SBK2: variants seen among roughly 807,000 people sequenced by gnomAD.
SBK2 encodes SH3 domain binding kinase family member 2, also known as serine/threonine-protein kinase SBK2.
SBK2 carries 18 observed loss-of-function variants against 15.9 expected under a neutral mutation model. The ratio of observed to expected loss-of-function variants is 1.13; its 90% CI spans 0.78 to 1.68. The LOEUF (loss-of-function observed/expected upper bound fraction) is 1.68, where lower values mean the gene tolerates loss of function less well. SBK2 is among the 40% of genes most tolerant of loss of function. The pLI is 0.00. For missense variants in SBK2, 581 were observed against 510.9 expected, an observed-to-expected ratio of 1.14 and a Z score of -1.32; for synonymous variants, 284 against 246.8, an observed-to-expected ratio of 1.15 and a Z score of -1.41.
chr19:55,536,118 G>C lies in SBK2; in HGVS notation c.177C>G (p.Asp59Glu). ...SAQTLVRAEVDELYEEVRPLG... is the reference protein window; with the variant it reads ...SAQTLVRAEVEELYEEVRPLG... ...GGGGACGCACTTCCTCGTAGAGCTC[G>C]TCCACCTCGGCTCGGACCAGGGTCT... The change falls in exon 2 of 4, where the codon GAC becomes GAG. Residue 59 changes from aspartate (D) to glutamate (E), a missense_variant. Asp to Glu is a conservative substitution (Grantham distance 45, BLOSUM62 2). Transcript: ENST00000413299. 6.4e-7 allele frequency: 1 copy of C among 1,554,772 alleles called. No homozygotes were observed. Among genetic ancestry groups the C allele is most frequent in the Middle Eastern group, 1.7e-4 (1 of 5,838 alleles).
At chr19:55,535,753 G>A (rs990864049) in intron 2 of SBK2, among the ~76,000 whole-genome samples, 5 of 152,110 alleles carry the variant, frequency 3.3e-5, no homozygotes, top group Non-Finnish European at 7.4e-5. Context: ...GTGTGGTAGT[G>A]CATGCCTATA....
In SBK2 at chr19:55,529,612, G is replaced by A; in HGVS notation, c.*121C>T. The A allele has an allele frequency of 7.4e-7, 1 of 1,349,104 alleles. No homozygotes were observed. The highest frequency in any genetic ancestry group is 1.5e-5 in the South Asian group (1 of 67,762). 83.6% of individuals were successfully genotyped at this position (1,349,104 alleles called of 1,614,324 possible). A position where few individuals can be genotyped will look rare whatever the true frequency, so the allele number is the denominator to read the frequency against. On this transcript the variant is annotated 3_prime_UTR_variant, in exon 4 of 4. Transcript: ENST00000413299. Reference sequence around the variant, plus strand: ...GCAGCCTGCAGAGAGGAGAGAGGAGGAGGACGCCGAGGGGAATCCCAAGCC... The same window carrying A: ...GCAGCCTGCAGAGAGGAGAGAGGAGAAGGACGCCGAGGGGAATCCCAAGCC...
rs1398263592 is a variant in SBK2 at position 55,535,479 on chromosome 19, C to T, written c.253+563G>A. 3.3e-5 allele frequency among the ~76,000 whole-genome samples: 5 copies of T among 152,208 alleles called. No homozygotes were observed. In the East Asian group the frequency reaches 9.6e-4, roughly 29 times the overall value. On this transcript the variant is annotated intron_variant, in intron 2 of 3. Coordinates refer to ENST00000413299, the MANE Select transcript of SBK2 (RefSeq NM_001370096.2). ...CCCAGCAACTAGAGCAGTCCACATT[C>T]ACTCAGAGGATCCACCATTCTTCCA...
At position 55,530,165 on chromosome 19, in the gene SBK2, G is replaced by T; in HGVS notation, c.615C>A (p.Gly205=). Residue 205 remains glycine, a synonymous_variant, in exon 4 of 4, where the codon GGC becomes GGA. Transcript: ENST00000413299. ...GCAGCGTCCCGCGAGGCCTCGTGTGGCCGAAGTCGGTCAGCTTGAAGCGCC... is the reference window on the plus strand; with the variant it reads ...GCAGCGTCCCGCGAGGCCTCGTGTGTCCGAAGTCGGTCAGCTTGAAGCGCC... ...ACRRFKLTDF[G]HTRPRGTLLR... is the part of the protein sequence containing the mutation. 1 of 1,523,952 alleles carries T rather than the reference G, an allele frequency of 6.6e-7. No homozygotes were observed. 94.4% of individuals were successfully genotyped at this position (1,523,952 alleles called of 1,614,324 possible). A position where few individuals can be genotyped will look rare whatever the true frequency, so the allele number is the denominator to read the frequency against.
rs771254582 is a variant in SBK2 at position 55,536,097 on chromosome 19, A to T, written c.198T>A (p.Arg66=). 3 of 1,528,176 alleles carry T rather than the reference A, an allele frequency of 2.0e-6. No individual in the cohort carries two copies. The highest frequency in any genetic ancestry group is 8.8e-7 in the Non-Finnish European group (1 of 1,131,822). 94.7% of individuals were successfully genotyped at this position (1,528,176 alleles called of 1,614,324 possible). Residue 66 remains arginine, a synonymous_variant, in exon 2 of 4, where the codon CGT becomes CGA. Transcript: ENST00000413299. ...GGCCATAGCAACCCTGGCCCAGGGG[A>T]CGCACTTCCTCGTAGAGCTCGTCCA... ...AEVDELYEEV[R]PLGQGCYGRV... is the part of the protein sequence containing the mutation.
rs948152989 is a variant in SBK2, at chr19:55,536,511, G to A, written c.-2-215C>T. Among the ~76,000 whole-genome samples, 13 of 151,324 alleles carry A rather than the reference G, an allele frequency of 8.6e-5. No homozygotes were observed. The East Asian group carries it at 1.4e-3, about 16-fold the overall frequency. The stretch of plus-strand genomic sequence containing the variant: ...ATGTCCCTGCCCGCGTGCCGCCGCC[G>A]CCACCCGCCCACCCTGAGGTTGAAA... On this transcript the variant is annotated intron_variant, in intron 1 of 3. Coordinates refer to ENST00000413299, the MANE Select transcript of SBK2 (RefSeq NM_001370096.2).
intron 2 of SBK2, 27 bp from the exon 3 acceptor site, chr19:55,531,372 G>A (rs767759229): frequency 1.6e-5 from 25 of 1,565,274 alleles, no homozygotes; most frequent in South Asian, 5.8e-5. Context: ...AGGTATGGGA[G>A]GCGTGCAGCA....
At chr19:55,531,429 C>T in intron 2 of SBK2, 84 bp from the exon 3 acceptor site, 1 of 1,045,592 alleles carries the variant, frequency 9.6e-7, no homozygotes, top group Admixed American at 2.0e-5. Flanking sequence ...GTGGTCCCCT[C>T]AATGGCCCCT....
Position 55,529,189 on chromosome 19 carries a change from G to A in SBK2, c.*544C>T, listed in dbSNP as rs1202434828. Among the ~76,000 whole-genome samples the A allele has an allele frequency of 6.7e-6, 1 of 148,446 alleles. No individual in the cohort carries two copies. Among genetic ancestry groups the A allele is most frequent in the Non-Finnish European group, 1.5e-5 (1 of 67,346 alleles). ...GCAGGAGGATTGTTTGAGGCCAGGA[G>A]TTGACACCCACCTGGGCAACATAGC... On this transcript the variant is annotated 3_prime_UTR_variant, in exon 4 of 4. Transcript: ENST00000413299.
rs572149473 is a variant in SBK2 at position 55,529,677 on chromosome 19, TGGCCTTGGG to T, written c.*47_*55del. 42 of 1,566,256 alleles carry T rather than the reference TGGCCTTGGG, an allele frequency of 2.7e-5. No individual in the cohort carries two copies. The highest frequency in any genetic ancestry group is 1.7e-4 in the Middle Eastern group (1 of 5,894). ...ACACCGAGGAGACACCAAAAGCCGTTGGCCTTGGGGGCCTCGGGTGGGGCGGCTTCCCTT... is the reference window on the plus strand; with the variant it reads ...ACACCGAGGAGACACCAAAAGCCGTTGGCCTCGGGTGGGGCGGCTTCCCTT... On this transcript the variant is annotated 3_prime_UTR_variant, in exon 4 of 4. Transcript: ENST00000413299.
At position 55,529,957 on chromosome 19, in the gene SBK2, C is replaced by G; in HGVS notation, c.823G>C (p.Glu275Gln). ...RPLAEADPFY[E>Q]DFLIWQASGQ... ...GACGCCTGCCAGATGAGGAAGTCCT[C>G]GTAGAAGGGGTCGGCCTCGGCCAGG... Residue 275 changes from glutamate (E) to glutamine (Q), a missense_variant, in exon 4 of 4, where the codon GAG becomes CAG. Physicochemically the swap from Glu to Gln is conservative, Grantham distance 29. Transcript: ENST00000413299. 6.5e-7 allele frequency: 1 copy of G among 1,533,378 alleles called. No individual in the cohort carries two copies. The highest frequency in any genetic ancestry group is 8.8e-7 in the Non-Finnish European group (1 of 1,142,574). The allele number at this position is 1,533,378 out of a possible 1,614,324, so 95.0% of individuals were successfully genotyped here. A position where few individuals can be genotyped will look rare whatever the true frequency, so the allele number is the denominator to read the frequency against.
chr19:55,535,221 G>A (rs538989587), intron 2 of SBK2, among the ~76,000 whole-genome samples: 170 of 151,196 alleles, frequency 1.1e-3, no homozygotes, highest in African/African-American at 4.0e-3. Flanking sequence ...CTCAGAAGGC[G>A]TGCCCTGAAC....
chr19:55,529,876 C>G lies in SBK2; in HGVS notation c.904G>C (p.Ala302Pro). 2 of 1,593,264 alleles carry G rather than the reference C, an allele frequency of 1.3e-6. No individual in the cohort carries two copies. Among genetic ancestry groups the G allele is most frequent in the Non-Finnish European group, 1.7e-6 (2 of 1,173,078 alleles). Residue 302 changes from alanine to proline, a missense_variant, in exon 4 of 4, where the codon GCG (alanine) becomes CCG (proline). Physicochemically the swap from Ala to Pro is conservative, Grantham distance 27 (BLOSUM62 -1). Transcript: ENST00000413299. ...PWFGLAAAADALLRGLLDPHP... is the reference protein window; with the variant it reads ...PWFGLAAAADPLLRGLLDPHP... ...GGGTCCAGCAGCCCCCGCAGAAGCGCGTCGGCCGCGGCGGCCAGGCCGAAC... is the reference window on the plus strand; with the variant it reads ...GGGTCCAGCAGCCCCCGCAGAAGCGGGTCGGCCGCGGCGGCCAGGCCGAAC...
intron 1 of SBK2, among the ~76,000 whole-genome samples, chr19:55,536,788 G>GC (rs925103270): frequency 1.5e-5 from 1 of 68,828 alleles, no homozygotes; most frequent in Non-Finnish European, 2.9e-5. Flanking sequence ...CTCCGACCCA[G>GC]CCCCCCAGCC....
chr19:55,531,409 C>T, intron 2 of SBK2, 64 bp from the exon 3 acceptor site: 1 of 1,306,878 alleles, frequency 7.7e-7, no homozygotes, highest in Non-Finnish European at 1.1e-6. Flanking sequence ...GCCAGCTGCT[C>T]TGTTCCCCTG....
At chr19:55,534,282 C>T (rs113773706) in intron 2 of SBK2, among the ~76,000 whole-genome samples, 7,035 of 152,170 alleles carry the variant, frequency 0.046, 266 homozygotes, top group Middle Eastern at 0.13. Context: ...CACAGACACA[C>T]ACAGAGGGAC....
intron 2 of SBK2, among the ~76,000 whole-genome samples, chr19:55,534,517 G>A (rs1372927856): frequency 1.4e-5 from 2 of 146,994 alleles, no homozygotes; most frequent in Non-Finnish European, 3.0e-5. Flanking sequence ...ACCAGCCTGG[G>A]CAACACAGTG....
At chr19:55,536,004 A>G (rs780925910) in intron 2 of SBK2, 38 bp downstream of exon 2, 2 of 1,419,260 alleles carry the variant, frequency 1.4e-6, no homozygotes, top group Non-Finnish European at 1.9e-6. Flanking sequence ...CCCCGCCCCC[A>G]GCTGAACCCT....
chr19:55,534,704 C>CAAAAAAA (rs35461460), intron 2 of SBK2, among the ~76,000 whole-genome samples: 1 of 82,594 alleles, frequency 1.2e-5, no homozygotes, highest in African/African-American at 5.4e-5. Flanking sequence ...GACCCTGTCT[C>CAAAAAAA]AAAAAAAAAA....
Sources: gnomAD v4.1 joint callset for allele counts (sites outside exome capture counted in the v4.1 genomes callset) on GRCh38, gnomAD v4.1.1 for gene constraint, MANE v1.5 for transcripts, NCBI Gene and HGNC (gene_info 2026-07-23, HGNC 2026-07-21) for gene names.